The following PLCB4 variants were observed in gnomAD, a reference collection of about 807,000 sequenced individuals.
The protein encoded by PLCB4 is 1-phosphatidylinositol 4,5-bisphosphate phosphodiesterase beta-4.
A neutral mutation model predicts 178.8 loss-of-function variants in PLCB4; 77 were observed. That is an observed-to-expected ratio of 0.43 (90% confidence interval 0.36 to 0.52). The LOEUF (loss-of-function observed/expected upper bound fraction) is 0.52, where lower values mean the gene tolerates loss of function less well. Among genes scored for constraint, PLCB4 ranks in the 20% least tolerant of loss-of-function variants. The pLI, the probability that PLCB4 is intolerant of heterozygous loss-of-function variation, is 0.00. For missense variants in PLCB4, 1,024 were observed against 1,453.4 expected (o/e 0.70, Z 4.80); for synonymous variants, 496 against 490.8 (o/e 1.01, Z -0.14).
chr20:9,264,688 G>A (rs1381908991), intron 3 of PLCB4, among the ~76,000 whole-genome samples: 1 of 152,178 alleles, frequency 6.6e-6, no homozygotes, highest in Admixed American at 6.5e-5. Context: ...ATAGGCATGT[G>A]GAAGTATTTG....
chr20:9,459,818 A>T lies in PLCB4; in HGVS notation c.3248+8A>T, dbSNP rs377048932. On this transcript the variant is annotated splice_region_variant and intron_variant, in intron 35 of 39. Transcript: ENST00000378473. ...GAAACTGTCCCATGACAGGTGGGGG[A>T]ATTGCCGTCTCCAGAGTAAACATCT... The T allele has an allele frequency of 7.6e-6, 12 of 1,585,718 alleles. No homozygotes were observed. The highest frequency in any genetic ancestry group is 1.0e-5 in the Non-Finnish European group (12 of 1,156,738).
chr20:9,074,276 A>G (rs1162452112), intron 1 of PLCB4, among the ~76,000 whole-genome samples: 1 of 152,200 alleles, frequency 6.6e-6, no homozygotes, highest in Non-Finnish European at 1.5e-5. Context: ...TACTGCTGCT[A>G]CTACAGGTGC....
chr20:9,309,425 A>AT (rs1048421109), intron 4 of PLCB4, among the ~76,000 whole-genome samples: 2 of 152,120 alleles, frequency 1.3e-5, no homozygotes, highest in African/African-American at 4.8e-5. Flanking sequence ...GCGATAACTT[A>AT]TTTTTTGCCA....
Position 9,154,662 on chromosome 20 carries a change from G to T in PLCB4, c.-79+58320G>T, listed in dbSNP as rs1010364258. Among the ~76,000 whole-genome samples, 16 of 152,058 alleles carry T rather than the reference G, an allele frequency of 1.1e-4. No individual in the cohort carries two copies. The East Asian group carries it at 3.1e-3, about 29-fold the overall frequency. ...CTACCATATACCATGCACTGTACCA[G>T]ATCTTAGCAGAGTCTAGGAGCTACA... is the stretch of plus-strand genomic sequence containing the variant. On this transcript the variant is annotated intron_variant, in intron 2 of 39. Transcript: ENST00000378473.
chr20:9,422,448 T>C (rs372348965), intron 27 of PLCB4, among the ~76,000 whole-genome samples: 2 of 152,322 alleles, frequency 1.3e-5, no homozygotes, highest in Non-Finnish European at 2.9e-5. Flanking sequence ...TAGCTGTGAT[T>C]TGGTTTTTTC....
Position 9,307,819 on chromosome 20 carries a change from C to A in PLCB4, c.5C>A (p.Ala2Asp). 2 of 1,588,120 alleles carry A rather than the reference C, an allele frequency of 1.3e-6. No individual in the cohort carries two copies. Among genetic ancestry groups the A allele is most frequent in the Non-Finnish European group, 1.7e-6 (2 of 1,160,514 alleles). The change falls in exon 4 of 40, where the codon GCC becomes GAC. Residue 2 changes from alanine to aspartate, a missense_variant. Ala to Asp is a moderately radical substitution (Grantham distance 126). Around this residue, in one of 7 missense-constraint regions of PLCB4, gnomAD observed 225 missense variants for 291.0 expected, o/e 0.77. Coordinates refer to ENST00000378473, the MANE Select transcript of PLCB4 (RefSeq NM_001377142.1). ...TTTTAGGTCTTGAATATAATCATGG[C>A]CAAACCTTATGAATTTAACTGGCAG... M[A>D]KPYEFNWQKE...
chr20:9,292,570 G>A (rs1455316617), intron 3 of PLCB4, among the ~76,000 whole-genome samples: 3 of 152,190 alleles, frequency 2.0e-5, no homozygotes, highest in Non-Finnish European at 4.4e-5. Context: ...CAGAGGTTCA[G>A]GCCATAGAGG....
intron 2 of PLCB4, among the ~76,000 whole-genome samples, chr20:9,210,567 CCT>C (rs2147238953): frequency 6.6e-6 from 1 of 152,274 alleles, no homozygotes; most frequent in South Asian, 2.1e-4. Flanking sequence ...GGGACAGATG[CCT>C]CTCAGCTGTG....
chr20:9,113,933 G>T (rs1266776912), intron 2 of PLCB4, among the ~76,000 whole-genome samples: 1 of 152,166 alleles, frequency 6.6e-6, no homozygotes, highest in African/African-American at 2.4e-5. Context: ...GTGATGTCTG[G>T]CCAGGCGCAG....
Position 9,473,383 on chromosome 20 carries a change from C to A in PLCB4, c.3495+18C>A, listed in dbSNP as rs147914533. On this transcript the variant is annotated intron_variant, in intron 38 of 39. Coordinates refer to ENST00000378473, the MANE Select transcript of PLCB4 (RefSeq NM_001377142.1). ...ATGAGCAGGTATTTTACCTAAAATA[C>A]GTAAAAACATGCAGGCAGCTAGCCA... The A allele has an allele frequency of 2.1e-6, 3 of 1,438,510 alleles. No individual in the cohort carries two copies. In the South Asian group the frequency reaches 3.6e-5, roughly 17 times the overall value. The allele number at this position is 1,438,510 out of a possible 1,614,324, so 89.1% of individuals were successfully genotyped here. A position where few individuals can be genotyped will look rare whatever the true frequency, so the allele number is the denominator to read the frequency against.
chr20:9,215,077 A>G (rs1202485144), intron 2 of PLCB4, among the ~76,000 whole-genome samples: 1 of 152,186 alleles, frequency 6.6e-6, no homozygotes, highest in Non-Finnish European at 1.5e-5. Context: ...GGCCTGTTTC[A>G]TAGCCTCAGG....
chr20:9,327,951 G>T (rs2030981617), intron 4 of PLCB4, among the ~76,000 whole-genome samples: 1 of 152,088 alleles, frequency 6.6e-6, no homozygotes. Context: ...TTTGGATCAG[G>T]TTCATCTAAA....
chr20:9,280,949 CA>C (rs76377634), intron 3 of PLCB4, among the ~76,000 whole-genome samples: 10,430 of 82,840 alleles, frequency 0.13, 629 homozygotes, highest in African/African-American at 0.27. Flanking sequence ...ACATCTGCTA[CA>C]AAAAAAAAAA....
chr20:9,417,865 T>C (rs573868244), intron 25 of PLCB4, among the ~76,000 whole-genome samples: 9 of 151,892 alleles, frequency 5.9e-5, no homozygotes, highest in East Asian at 1.9e-4. Context: ...TCAACACTTA[T>C]TGTTATCTGA....
intron 3 of PLCB4, among the ~76,000 whole-genome samples, chr20:9,270,338 C>T (rs1384185871): frequency 6.6e-6 from 1 of 152,104 alleles, no homozygotes; most frequent in East Asian, 1.9e-4. Context: ...TGTATTCCAG[C>T]TCTCTTCCCA....
chr20:9,213,758 G>T (rs2093698953), intron 2 of PLCB4, among the ~76,000 whole-genome samples: 5 of 152,128 alleles, frequency 3.3e-5, no homozygotes, highest in Admixed American at 3.3e-4. Context: ...CAAAGCAGCA[G>T]CATCATTTTA....
At chr20:9,291,206 T>G (rs1223925516) in intron 3 of PLCB4, among the ~76,000 whole-genome samples, 2 of 152,206 alleles carry the variant, frequency 1.3e-5, no homozygotes, top group Non-Finnish European at 2.9e-5. Context: ...CACATTAGAT[T>G]TATTTCAAGT....
At chr20:9,455,666 C>G (rs1303184743) in intron 33 of PLCB4, among the ~76,000 whole-genome samples, 2 of 152,104 alleles carry the variant, frequency 1.3e-5, no homozygotes, top group East Asian at 3.9e-4. Context: ...TCTTCCTGAG[C>G]CTCTGCTGTC....
At chr20:9,318,724 C>G (rs867934960) in intron 4 of PLCB4, among the ~76,000 whole-genome samples, 1 of 152,160 alleles carries the variant, frequency 6.6e-6, no homozygotes, top group Non-Finnish European at 1.5e-5. Flanking sequence ...GTTAGCTTAG[C>G]TAACTGTTAT....
Sources: gnomAD v4.1 joint callset for allele counts (sites outside exome capture counted in the v4.1 genomes callset) on GRCh38, gnomAD v4.1.1 for gene constraint, gnomAD v4.1.1 regional missense constraint, MANE v1.5 for transcripts, NCBI Gene and HGNC (gene_info 2026-07-23, HGNC 2026-07-21) for gene names.